Variants in VPS13D observed in about 807,000 individuals in gnomAD.
VPS13D encodes the protein intermembrane lipid transfer protein VPS13D.
A neutral mutation model predicts 461.9 loss-of-function variants in VPS13D; 187 were observed. The ratio of observed to expected loss-of-function variants is 0.40; its 90% CI spans 0.36 to 0.46. The LOEUF is 0.46. Among genes scored for constraint, VPS13D ranks in the 20% least tolerant of loss-of-function variants. VPS13D has a pLI of 0.60. For synonymous variants in VPS13D, 1,951 were observed against 1,986.3 expected (o/e 0.98, Z 0.47); for missense variants, 4,711 against 5,364.9 (o/e 0.88, Z 3.81).
chr1:12,249,253 G>C lies in VPS13D; in HGVS notation c.478G>C (p.Glu160Gln). 3.1e-6 allele frequency: 5 copies of C among 1,613,494 alleles called. No homozygotes were observed. The highest frequency in any genetic ancestry group is 4.2e-6 in the Non-Finnish European group (5 of 1,179,822). ...AATTCAAGATGTCCATTTACGCTTT[G>C]AAGATGGTGTCACCAATCCCTCCCA... ...LKIQDVHLRF[E>Q]DGVTNPSHPF... Residue 160 changes from glutamate to glutamine, a missense_variant, in exon 6 of 70, where the codon GAA becomes CAA. By Grantham distance (29) the Glu-to-Gln change is conservative. Coordinates refer to ENST00000620676, the MANE Select transcript of VPS13D (RefSeq NM_015378.4).
intron 24 of VPS13D, among the ~76,000 whole-genome samples, chr1:12,294,726 C>T (rs762165735): frequency 3.3e-5 from 5 of 151,954 alleles, no homozygotes; most frequent in East Asian, 3.9e-4. Flanking sequence ...GCAGGAGAAT[C>T]GCTTGAACCT....
intron 63 of VPS13D, chr1:12,409,846 G>T (rs1294317664): frequency 4.4e-6 from 2 of 455,886 alleles, no homozygotes; most frequent in Non-Finnish European, 4.4e-6. Context: ...TACCAAAACA[G>T]CCAGGACTGG....
intron 37 of VPS13D, among the ~76,000 whole-genome samples, chr1:12,332,874 A>G (rs1643365437): frequency 6.6e-6 from 1 of 152,190 alleles, no homozygotes. Context: ...AAGACACTTT[A>G]TTATTTTTCC....
At position 12,346,224 on chromosome 1, in the gene VPS13D, C is replaced by G. The variant is rs542414034; in HGVS notation, c.9022-381C>G. ...AAAATATTCTTAGAAAACACTGTTG[C>G]ACAACTGTCCATTTTTACTGTTGCT... On this transcript the variant is annotated intron_variant, in intron 43 of 69. Coordinates refer to ENST00000620676, the MANE Select transcript of VPS13D (RefSeq NM_015378.4). Among the ~76,000 whole-genome samples the G allele has an allele frequency of 2.6e-5, 4 of 152,312 alleles. No individual in the cohort carries two copies. The East Asian group carries it at 7.7e-4, about 29-fold the overall frequency.
intron 50 of VPS13D, 124 bp from the exon 51 acceptor site, chr1:12,362,596 C>A: frequency 6.3e-6 from 6 of 949,890 alleles, no homozygotes; most frequent in Non-Finnish European, 8.1e-6. Context: ...GGTTCAATAT[C>A]CTCTGGGTGA....
intron 67 of VPS13D, among the ~76,000 whole-genome samples, chr1:12,493,482 CAAAAAAA>C (rs899634441): frequency 1.8e-5 from 1 of 55,458 alleles, no homozygotes; most frequent in African/African-American, 7.2e-5. Context: ...GACTCCATCT[CAAAAAAA>C]AAAAAAAAAA....
At chr1:12,238,196 AATATAT>A (rs1235956975) in intron 2 of VPS13D, among the ~76,000 whole-genome samples, 2 of 138,800 alleles carry the variant, frequency 1.4e-5, no homozygotes, top group Non-Finnish European at 3.1e-5. Context: ...TCCCCCCCAA[AATATAT>A]ATATATAAAA....
intron 34 of VPS13D, 79 bp downstream of exon 34, chr1:12,322,825 C>A (rs960215044): frequency 2.4e-6 from 3 of 1,268,268 alleles, no homozygotes; most frequent in Non-Finnish European, 3.3e-6. Context: ...TTCTTTTGCA[C>A]AACTAAATTG....
intron 56 of VPS13D, 71 bp from the exon 57 acceptor site, chr1:12,379,417 C>T: frequency 7.1e-7 from 1 of 1,405,272 alleles, no homozygotes; most frequent in Non-Finnish European, 9.9e-7. Context: ...AGCCATCATC[C>T]TCATGTTCCC....
At chr1:12,342,876 G>A (rs1643601696) in intron 41 of VPS13D, 23 bp from the exon 42 acceptor site, 2 of 1,601,360 alleles carry the variant, frequency 1.2e-6, no homozygotes, top group Non-Finnish European at 1.7e-6. Context: ...GGGACAGGCT[G>A]ATGTCATCTG....
chr1:12,457,914 G>T (rs548296826), intron 66 of VPS13D, among the ~76,000 whole-genome samples: 6 of 152,298 alleles, frequency 3.9e-5, no homozygotes, highest in Non-Finnish European at 7.4e-5. Context: ...TCTCGTAATG[G>T]TAATGACAGT....
At chr1:12,268,367 G>A (rs925353209) in intron 15 of VPS13D, among the ~76,000 whole-genome samples, 1 of 151,086 alleles carries the variant, frequency 6.6e-6, no homozygotes, top group Non-Finnish European at 1.5e-5. Flanking sequence ...TGTTTTGTGC[G>A]CAGTGGTTTG....
chr1:12,276,759 A>T lies in VPS13D; in HGVS notation c.3171A>T (p.Thr1057=). ...TGGCCCACTTAACTGATGGAGCTACACTGAACGACCGATCAGCTACTAGTG... is the reference window on the plus strand; with the variant it reads ...TGGCCCACTTAACTGATGGAGCTACTCTGAACGACCGATCAGCTACTAGTG... The part of the protein sequence containing the change: ...PNVAHLTDGA[T]LNDRSATSVS... Residue 1057 remains threonine, a synonymous_variant, in exon 19 of 70, where the codon ACA becomes ACT. Transcript: ENST00000620676. The surrounding 1 kb of genome is among the most constrained non-coding windows in gnomAD (Gnocchi z 4.5). 6.2e-7 allele frequency: 1 copy of T among 1,614,192 alleles called. No homozygotes were observed. The highest frequency in any genetic ancestry group is 8.5e-7 in the Non-Finnish European group (1 of 1,180,028).
chr1:12,409,482 TG>T (rs1322545874), intron 63 of VPS13D, among the ~76,000 whole-genome samples: 1 of 152,052 alleles, frequency 6.6e-6, no homozygotes, highest in Non-Finnish European at 1.5e-5. Context: ...TTTAATTCAG[TG>T]GGGAGTATAT....
At chr1:12,390,716 A>G (rs1644413459) in intron 60 of VPS13D, among the ~76,000 whole-genome samples, 1 of 152,214 alleles carries the variant, frequency 6.6e-6, no homozygotes. Context: ...TCGAGGGCTC[A>G]GTGTTGGTCT....
In VPS13D at chr1:12,509,096, C is replaced by T. The variant is rs949375610; in HGVS notation, c.*72C>T. The T allele has an allele frequency of 6.5e-7, 1 of 1,531,790 alleles. No homozygotes were observed. The highest frequency in any genetic ancestry group is 1.4e-5 in the African/African-American group (1 of 71,880). The allele number at this position is 1,531,790 out of a possible 1,614,324, so 94.9% of individuals were successfully genotyped here. A position where few individuals can be genotyped will look rare whatever the true frequency, so the allele number is the denominator to read the frequency against. ...AGGAGGAAAGAGGCCCAGCTCTCAG[C>T]TGACGATGGAGGCAGAACCGGAGTC... On this transcript the variant is annotated 3_prime_UTR_variant, in exon 70 of 70. Transcript: ENST00000620676.
intron 52 of VPS13D, among the ~76,000 whole-genome samples, chr1:12,367,275 A>G (rs1047356248): frequency 3.3e-5 from 5 of 152,184 alleles, no homozygotes; most frequent in African/African-American, 9.7e-5. Flanking sequence ...TTCGATAGCT[A>G]TACTTTCTAT....
intron 40 of VPS13D, among the ~76,000 whole-genome samples, chr1:12,339,102 T>G (rs1318420685): frequency 7.4e-6 from 1 of 134,694 alleles, no homozygotes; most frequent in Non-Finnish European, 1.6e-5. Flanking sequence ...TGCCCTGGGT[T>G]TTTTTTTTCT....
intron 67 of VPS13D, among the ~76,000 whole-genome samples, chr1:12,483,196 C>T (rs1351423429): frequency 1.3e-5 from 2 of 152,212 alleles, no homozygotes; most frequent in East Asian, 3.8e-4. Flanking sequence ...CGTGTACCAG[C>T]TCTGGCTATT....
Sources: gnomAD v4.1 joint callset for allele counts (sites outside exome capture counted in the v4.1 genomes callset) on GRCh38, gnomAD v4.1.1 for gene constraint, Gnocchi (gnomAD v3.1) non-coding constraint, MANE v1.5 for transcripts, NCBI Gene and HGNC (gene_info 2026-07-23, HGNC 2026-07-21) for gene names.